The following LRP5 variants were observed in gnomAD, a reference collection of about 807,000 sequenced individuals.
LRP5 encodes the protein low-density lipoprotein receptor-related protein 5.
Under a neutral mutation model 154.1 loss-of-function variants are expected in LRP5, and 62 were observed. The observed-to-expected ratio is 0.40, with a 90% CI of 0.33 to 0.50. LRP5 has a LOEUF of 0.50. LRP5 is among the 20% of genes least tolerant of loss of function. LRP5 has a pLI of 0.55. For synonymous variants in LRP5, 966 were observed against 1,011.5 expected (o/e 0.96, Z 0.85); for missense variants, 1,915 against 2,336.7 (o/e 0.82, Z 3.72).
chr11:68,436,984 G>A lies in LRP5; in HGVS notation c.4096G>A (p.Asp1366Asn), dbSNP rs779534615. 1.7e-5 allele frequency: 28 copies of A among 1,613,364 alleles called. 1 individual carries two copies. In the African/African-American group the frequency reaches 2.7e-4, roughly 15 times the overall value. The change falls in exon 19 of 23, where the codon GAC (aspartate) becomes AAC (asparagine). Residue 1366 changes from aspartate to asparagine, a missense_variant. Physicochemically the swap from Asp to Asn is conservative, Grantham distance 23. This residue lies in a region of LRP5 where 1,094 missense variants were observed against 1,210.1 expected (regional missense o/e 0.90). Coordinates refer to ENST00000294304, the MANE Select transcript of LRP5 (RefSeq NM_002335.4). Reference protein sequence around the residue: ...DSFPDCIDGSDELMCEITKPP... With the variant: ...DSFPDCIDGSNELMCEITKPP... ...CTTCCCCGACTGTATCGACGGCTCC[G>A]ACGAGCTCATGTGTGGTGAGCCAGC...
At chr11:68,395,185 C>T (rs764134043) in intron 7 of LRP5, among the ~76,000 whole-genome samples, 2 of 151,528 alleles carry the variant, frequency 1.3e-5, no homozygotes, top group Non-Finnish European at 2.9e-5. Flanking sequence ...CCTGTAATCC[C>T]AGCTGCTTGG....
chr11:68,445,591 A>G (rs780297107), intron 21 of LRP5: 2 of 1,316,438 alleles, frequency 1.5e-6, no homozygotes, highest in Non-Finnish European at 2.0e-6. Context: ...ATCTGGCTGT[A>G]TGCTTTCCAG....
chr11:68,343,585 G>T (rs1007953713), intron 1 of LRP5, among the ~76,000 whole-genome samples: 1 of 152,178 alleles, frequency 6.6e-6, no homozygotes, highest in Non-Finnish European at 1.5e-5. Context: ...TGCTCTGGCG[G>T]CCAGGACGAT....
intron 1 of LRP5, among the ~76,000 whole-genome samples, chr11:68,313,135 G>C (rs1379971314): frequency 6.7e-6 from 1 of 150,162 alleles, no homozygotes; most frequent in Non-Finnish European, 1.5e-5. Flanking sequence ...CTGGGCCCGT[G>C]TGGCCCGGGC....
At chr11:68,351,689 C>T (rs770361936) in intron 2 of LRP5, among the ~76,000 whole-genome samples, 3 of 152,176 alleles carry the variant, frequency 2.0e-5, no homozygotes, top group Admixed American at 1.3e-4. Flanking sequence ...CCCCACGCAG[C>T]GGGTATAGCC....
intron 5 of LRP5, among the ~76,000 whole-genome samples, chr11:68,383,423 G>A (rs1259862474): frequency 8.5e-5 from 13 of 152,222 alleles, no homozygotes; most frequent in Admixed American, 7.9e-4. Flanking sequence ...CCAGGACTGT[G>A]ATCTCCCCAC....
chr11:68,429,317 A>G (rs949262587), intron 16 of LRP5, among the ~76,000 whole-genome samples: 1 of 152,124 alleles, frequency 6.6e-6, no homozygotes, highest in Admixed American at 6.5e-5. Context: ...CACAGTAGAG[A>G]CTGGTGCAGA....
At chr11:68,400,491 C>T (rs1472662051) in intron 7 of LRP5, among the ~76,000 whole-genome samples, 8 of 152,018 alleles carry the variant, frequency 5.3e-5, no homozygotes, top group Non-Finnish European at 1.0e-4. Flanking sequence ...GAGGCTGAGG[C>T]GGGCAGATCA....
the LRP5 span, among the ~76,000 whole-genome samples, chr11:68,301,709 A>G: frequency 1.5e-5 from 2 of 135,324 alleles, 1 homozygote; most frequent in Non-Finnish European, 3.4e-5. Context: ...TGCAAGCTCC[A>G]CCTCCCAGGT....
intron 3 of LRP5, among the ~76,000 whole-genome samples, chr11:68,361,034 G>A (rs1372154573): frequency 2.4e-5 from 3 of 127,412 alleles, no homozygotes; most frequent in East Asian, 4.6e-4. Context: ...GGCTGGGCGC[G>A]GTGGCTCACG....
rs574173769 is a variant in LRP5 at position 68,351,299 on chromosome 11, G to A, written c.488+3056G>A. Among the ~76,000 whole-genome samples, 7 of 152,182 alleles carry A rather than the reference G, an allele frequency of 4.6e-5. No individual in the cohort carries two copies. In the East Asian group the frequency reaches 1.2e-3, roughly 25 times the overall value. On this transcript the variant is annotated intron_variant, in intron 2 of 22. Transcript: ENST00000294304. The stretch of plus-strand genomic sequence containing the variant: ...GAGTGGGCTAGCCACCCCTGCAGCT[G>A]CCGGGGAGCCAGCTGACCTCCGGGG...
At chr11:68,403,898 G>C in intron 8 of LRP5, 199 bp downstream of exon 8, 1 of 623,598 alleles carries the variant, frequency 1.6e-6, no homozygotes, top group Non-Finnish European at 2.8e-6. Context: ...TTATGGACTA[G>C]GAATGTCGGT....
chr11:68,408,548 C>T (rs76884287), intron 9 of LRP5, among the ~76,000 whole-genome samples: 7,935 of 152,108 alleles, frequency 0.052, 243 homozygotes, highest in Middle Eastern at 0.13. Context: ...CAGCATATTG[C>T]CTTTAAGTCT....
At chr11:68,298,904 G>A in the LRP5 span, among the ~76,000 whole-genome samples, 10 of 152,190 alleles carry the variant, frequency 6.6e-5, no homozygotes, top group Non-Finnish European at 1.5e-4. Flanking sequence ...GAACTCACTG[G>A]GATGGAGCTG....
At chr11:68,421,724 G>GTGT (rs1445142488) in intron 13 of LRP5, among the ~76,000 whole-genome samples, 2 of 115,334 alleles carry the variant, frequency 1.7e-5, no homozygotes, top group East Asian at 5.1e-4. Flanking sequence ...GTGTGTGTGT[G>GTGT]GTGTGTGTGT....
At chr11:68,380,549 C>G (rs1400524870) in intron 5 of LRP5, among the ~76,000 whole-genome samples, 1 of 152,214 alleles carries the variant, frequency 6.6e-6, no homozygotes, top group Non-Finnish European at 1.5e-5. Context: ...GTTTCCTTCC[C>G]GGCTTTTGTG....
Position 68,413,939 on chromosome 11 carries a change from T to C in LRP5, c.2754T>C (p.Leu918=), listed in dbSNP as rs1198812606. 6.2e-7 allele frequency: 1 copy of C among 1,610,810 alleles called. No homozygotes were observed. The highest frequency in any genetic ancestry group is 8.5e-7 in the Non-Finnish European group (1 of 1,180,014). ...ACGGGCAGTGTGGGCAGCTGTGCCT[T>C]GCCATCCCCGGCGGCCACCGCTGCG... ...HNNGQCGQLC[L]AIPGGHRCGC... The change falls in exon 12 of 23, where the codon CTT becomes CTC. Residue 918 remains leucine, a synonymous_variant. Transcript: ENST00000294304. This position sits in a 1 kb window ranked among gnomAD's most constrained non-coding sequence, Gnocchi z 5.1.
intron 5 of LRP5, among the ~76,000 whole-genome samples, chr11:68,378,901 G>A (rs117077941): frequency 0.016 from 2,438 of 152,090 alleles, 35 homozygotes; most frequent in Non-Finnish European, 0.024. Context: ...TAAAAGATTA[G>A]CCAGGCGTGG....
At chr11:68,322,777 C>G (rs900066649) in intron 1 of LRP5, among the ~76,000 whole-genome samples, 6 of 152,250 alleles carry the variant, frequency 3.9e-5, no homozygotes, top group Non-Finnish European at 7.3e-5. Context: ...TCCCTCTAGC[C>G]TAGGTTGTAG....
Sources: allele counts gnomAD v4.1 joint callset (sites outside exome capture counted in the v4.1 genomes callset), GRCh38; gene constraint gnomAD v4.1.1; regional missense constraint gnomAD v4.1.1; non-coding constraint Gnocchi (gnomAD v3.1); transcripts MANE v1.5; gene names NCBI Gene and HGNC (gene_info 2026-07-23, HGNC 2026-07-21).